Variants in CPN1 observed in about 807,000 individuals in gnomAD.
CPN1 encodes carboxypeptidase N catalytic chain.
CPN1 carries 37 observed loss-of-function variants against 46.4 expected under a neutral mutation model. That is an observed-to-expected ratio of 0.80 (90% CI 0.61 to 1.05). The LOEUF is 1.05. CPN1 is among the 50% of genes least tolerant of loss of function. The pLI is 0.00. For synonymous variants in CPN1, 224 were observed against 235.4 expected (o/e 0.95, Z 0.44); for missense variants, 563 against 602.6 (o/e 0.93, Z 0.69).
rs754172095 is a variant in CPN1, at chr10:100,069,755, G to C, written c.535C>G (p.Pro179Ala). 5 of 1,613,668 alleles carry C rather than the reference G, an allele frequency of 3.1e-6. No homozygotes were observed. In the East Asian group the frequency reaches 6.7e-5, roughly 22 times the overall value. The change falls in exon 3 of 9, where the codon CCC becomes GCC. Residue 179 changes from proline (P) to alanine (A), a missense_variant. Physicochemically the swap from Pro to Ala is conservative, Grantham distance 27. Coordinates refer to ENST00000370418, the MANE Select transcript of CPN1 (RefSeq NM_001308.3). ...YIYYNEKYGG[P>A]NHHLPLPDNW... is the part of the protein sequence containing the mutation. ...TCTGGAAGGGGCAGGTGGTGGTTGGGGCCTCCGTACTTCTCGTTATAGTAG... is the reference window on the plus strand; with the variant it reads ...TCTGGAAGGGGCAGGTGGTGGTTGGCGCCTCCGTACTTCTCGTTATAGTAG...
chr10:100,065,340 A>C lies in CPN1; in HGVS notation c.607T>G (p.Trp203Gly), dbSNP rs1271055074. 11 of 1,614,106 alleles carry C rather than the reference A, an allele frequency of 6.8e-6. No homozygotes were observed. The highest frequency in any genetic ancestry group is 9.3e-6 in the Non-Finnish European group (11 of 1,180,018). The change falls in exon 4 of 9, where the codon TGG (tryptophan) becomes GGG (glycine). Residue 203 changes from tryptophan to glycine, a missense_variant. Trp to Gly is a radical substitution (Grantham distance 184). Transcript: ENST00000370418. ...AGAACAAAGTTGAAGGAGTGCATCC[A>C]CCGGATCACCGCCCGGGTCTCGGGT... ...VEPETRAVIR[W>G]MHSFNFVLSA...
At chr10:100,058,987 C>T (rs2041401446) in intron 5 of CPN1, among the ~76,000 whole-genome samples, 1 of 152,070 alleles carries the variant, frequency 6.6e-6, no homozygotes, top group Admixed American at 6.5e-5. Flanking sequence ...TATCCAAATG[C>T]AAAAGAATGA....
At chr10:100,048,565 T>C (rs2041328693) in intron 8 of CPN1, among the ~76,000 whole-genome samples, 193 bp downstream of exon 8, 1 of 152,004 alleles carries the variant, frequency 6.6e-6, no homozygotes, top group Admixed American at 6.6e-5. Context: ...CATGGTGGTG[T>C]GTGCTTATAC....
intron 4 of CPN1, 36 bp downstream of exon 4, chr10:100,065,152 A>C: frequency 6.2e-7 from 1 of 1,600,736 alleles, no homozygotes; most frequent in Non-Finnish European, 8.5e-7. Flanking sequence ...CTGAGCCCCA[A>C]GTTCCCCTGG....
At chr10:100,048,591 C>T (rs1017055327) in intron 8 of CPN1, among the ~76,000 whole-genome samples, 167 bp downstream of exon 8, 5 of 152,108 alleles carry the variant, frequency 3.3e-5, no homozygotes, top group South Asian at 2.1e-4. Flanking sequence ...CCCAGCTACT[C>T]GGGAGGCTTA....
intron 4 of CPN1, among the ~76,000 whole-genome samples, chr10:100,064,983 T>G (rs2041444732): frequency 6.6e-6 from 1 of 152,238 alleles, no homozygotes; most frequent in Non-Finnish European, 1.5e-5. Context: ...ACTATGAAGC[T>G]TTCTTTGTAT....
chr10:100,054,283 G>A, intron 7 of CPN1, 64 bp downstream of exon 7: 1 of 1,329,238 alleles, frequency 7.5e-7, no homozygotes, highest in Non-Finnish European at 1.1e-6. Flanking sequence ...CTGGCCCCTT[G>A]ATTATGCTGA....
At chr10:100,070,418 G>A (rs2041477435) in intron 2 of CPN1, among the ~76,000 whole-genome samples, 1 of 152,066 alleles carries the variant, frequency 6.6e-6, no homozygotes, top group Non-Finnish European at 1.5e-5. Flanking sequence ...AGGAAGTGAG[G>A]TTGCAATGGG....
intron 1 of CPN1, among the ~76,000 whole-genome samples, chr10:100,076,491 C>T (rs892274540): frequency 6.6e-6 from 1 of 152,246 alleles, no homozygotes; most frequent in African/African-American, 2.4e-5. Context: ...GCCCAGGTGG[C>T]ACTTACAGTG....
chr10:100,060,328 G>A (rs2041409439), intron 5 of CPN1, among the ~76,000 whole-genome samples: 1 of 152,186 alleles, frequency 6.6e-6, no homozygotes, highest in African/African-American at 2.4e-5. Flanking sequence ...TTGGGAGGCT[G>A]AGGCGGGCGG....
chr10:100,081,719 G>T lies in CPN1; in HGVS notation c.-94C>A. ...CCCGCCAAAATCCAAGGTCCACCTA[G>T]CTTCCCGCTTGTAAACACCAGTCCA... On this transcript the variant is annotated 5_prime_UTR_variant, in exon 1 of 9. Transcript: ENST00000370418. 1.9e-6 allele frequency: 2 copies of T among 1,030,344 alleles called. No individual in the cohort carries two copies. The highest frequency in any genetic ancestry group is 3.0e-6 in the Non-Finnish European group (2 of 677,484). 63.8% of individuals were successfully genotyped at this position (1,030,344 alleles called of 1,614,324 possible).
At chr10:100,077,458 C>T (rs1564777218) in intron 1 of CPN1, among the ~76,000 whole-genome samples, 3 of 151,880 alleles carry the variant, frequency 2.0e-5, no homozygotes, top group East Asian at 3.9e-4. Flanking sequence ...CTCAAACTCC[C>T]GACTTCAGGT....
intron 4 of CPN1, among the ~76,000 whole-genome samples, chr10:100,064,532 C>G (rs1021529871): frequency 6.6e-6 from 1 of 151,342 alleles, no homozygotes; most frequent in Non-Finnish European, 1.5e-5. Context: ...AGGCACCCAC[C>G]ACCGTGCCTG....
At chr10:100,081,289 A>T in intron 1 of CPN1, 114 bp downstream of exon 1, 4 of 884,304 alleles carry the variant, frequency 4.5e-6, no homozygotes, top group Non-Finnish European at 5.5e-6. Context: ...TGAGAAAGAG[A>T]TAATACCTTG....
intron 2 of CPN1, 78 bp downstream of exon 2, chr10:100,075,833 A>G (rs2041510010): frequency 4.3e-6 from 6 of 1,383,134 alleles, no homozygotes; most frequent in Non-Finnish European, 4.1e-6. Context: ...AGTGGGACAG[A>G]GAGGGAATCT....
intron 6 of CPN1, among the ~76,000 whole-genome samples, chr10:100,056,243 T>C (rs1283765260): frequency 6.6e-6 from 1 of 152,210 alleles, no homozygotes; most frequent in East Asian, 1.9e-4. Flanking sequence ...CCCTAATGAT[T>C]AGTGGTGCTG....
At chr10:100,057,608 A>G (rs1179239168) in intron 5 of CPN1, among the ~76,000 whole-genome samples, 1 of 152,176 alleles carries the variant, frequency 6.6e-6, no homozygotes, top group African/African-American at 2.4e-5. Flanking sequence ...GATGATTGGT[A>G]CTGTGGCGGG....
At chr10:100,063,546 T>C (rs1258931328) in intron 5 of CPN1, 68 bp downstream of exon 5, 8 of 1,197,830 alleles carry the variant, frequency 6.7e-6, no homozygotes, top group East Asian at 2.3e-5. Context: ...CTGAGAAAAC[T>C]GGGAATTTAG....
chr10:100,067,104 G>A (rs370120913), intron 3 of CPN1, among the ~76,000 whole-genome samples: 25 of 152,096 alleles, frequency 1.6e-4, no homozygotes, highest in Admixed American at 1.0e-3. Flanking sequence ...TGACTAACAC[G>A]AAGTTCTTTG....
Sources: gnomAD v4.1 joint callset for allele counts (sites outside exome capture counted in the v4.1 genomes callset) on GRCh38, gnomAD v4.1.1 for gene constraint, MANE v1.5 for transcripts, NCBI Gene and HGNC (gene_info 2026-07-23, HGNC 2026-07-21) for gene names.